Variants in ABCA12 observed in about 807,000 individuals in gnomAD.
ABCA12 encodes the protein glucosylceramide transporter ABCA12.
ABCA12 carries 156 observed loss-of-function variants against 293.5 expected under a neutral mutation model. That is an observed-to-expected ratio of 0.53 (90% CI 0.47 to 0.61). The LOEUF (loss-of-function observed/expected upper bound fraction) is 0.61. Ranked by LOEUF, ABCA12 falls within the 20% of genes least tolerant of loss-of-function variation. The pLI is 0.00. For missense variants in ABCA12, 2,797 were observed against 3,090.2 expected, an observed-to-expected ratio of 0.91 and a Z score of 2.25; for synonymous variants, 1,063 against 1,108.0, an observed-to-expected ratio of 0.96 and a Z score of 0.81.
intron 2 of ABCA12, among the ~76,000 whole-genome samples, chr2:215,075,133 G>C (rs1376000800): frequency 6.6e-6 from 1 of 151,924 alleles, no homozygotes; most frequent in Non-Finnish European, 1.5e-5. Context: ...TTATTCCAGT[G>C]GCTAATCCTT....
rs759590811 is a variant in ABCA12, at chr2:215,012,035, G to A, written c.2057C>T (p.Pro686Leu). Residue 686 changes from proline (P) to leucine (L), a missense_variant, in exon 16 of 53, where the codon CCG becomes CTG. Coordinates refer to ENST00000272895, the MANE Select transcript of ABCA12 (RefSeq NM_173076.3). ...CAGGGATCTCATTTTGTCTAGCAGCGGATGTGTGCCAGAAGCCATCTGATT... is the reference window on the plus strand; with the variant it reads ...CAGGGATCTCATTTTGTCTAGCAGCAGATGTGTGCCAGAAGCCATCTGATT... ...ILNQMASGTH[P>L]LLDKMRSLKQ... 31 of 1,613,798 alleles carry A rather than the reference G, an allele frequency of 1.9e-5. 1 individual carries two copies. In the Admixed American group the frequency reaches 2.5e-4, roughly 13 times the overall value.
At chr2:215,093,513 T>A in intron 2 of ABCA12, among the ~76,000 whole-genome samples, 1 of 152,188 alleles carries the variant, frequency 6.6e-6, no homozygotes, top group East Asian at 1.9e-4. Context: ...GGCTGTGCGG[T>A]TAGAATTCTT....
chr2:214,967,825 TC>T (rs1220440697), intron 38 of ABCA12, among the ~76,000 whole-genome samples: 1 of 152,020 alleles, frequency 6.6e-6, no homozygotes, highest in East Asian at 1.9e-4. Flanking sequence ...GGACATTAGT[TC>T]CCCCACTTTC....
chr2:214,989,570 A>T lies in ABCA12; in HGVS notation c.3676T>A (p.Tyr1226Asn), dbSNP rs750074530. 1 of 1,614,130 alleles carries T rather than the reference A, an allele frequency of 6.2e-7. No individual in the cohort carries two copies. The highest frequency in any genetic ancestry group is 1.1e-5 in the South Asian group (1 of 91,070). The change falls in exon 25 of 53, where the codon TAC (tyrosine) becomes AAC (asparagine). Residue 1226 changes from tyrosine to asparagine, a missense_variant. Transcript: ENST00000272895. The stretch of plus-strand genomic sequence containing the variant: ...GACCTACCAATGCCCTGTTCTTCGT[A>T]TCGTGCAATGTATTGGCTTGCATAG... ...FSYASQYIAR[Y>N]EEQGIGLQWE...
chr2:214,958,161 T>C (rs958582983), intron 41 of ABCA12, 116 bp downstream of exon 41: 2 of 1,384,872 alleles, frequency 1.4e-6, no homozygotes, highest in African/African-American at 2.9e-5. Context: ...CTTTATTTCC[T>C]GTCTTTGTGA....
chr2:215,064,092 T>C lies in ABCA12; in HGVS notation c.291A>G (p.Gly97=), dbSNP rs1701589870. 2 of 1,612,844 alleles carry C rather than the reference T, an allele frequency of 1.2e-6. No homozygotes were observed. Among genetic ancestry groups the C allele is most frequent in the South Asian group, 1.1e-5 (1 of 91,082 alleles). The change falls in exon 3 of 53, where the codon GGA becomes GGG. Residue 97 remains glycine (G), a synonymous_variant. Transcript: ENST00000272895. The part of the protein sequence containing the change: ...YGPQDLLRRK[G]IDDALFKDSE... ...TGTCTTTAAATAGTGCATCATCAAT[T>C]CCTTTCCTACGAAGCAGATCTTGTG...
chr2:215,082,767 T>C (rs1701968260), intron 2 of ABCA12: 1 of 152,208 alleles, frequency 6.6e-6, no homozygotes, highest in African/African-American at 2.4e-5. Context: ...ATATAACCTG[T>C]TATTTATCTT....
At position 214,932,602 on chromosome 2, in the gene ABCA12, G is replaced by T; in HGVS notation, c.*32C>A. 1 of 1,493,754 alleles carries T rather than the reference G, an allele frequency of 6.7e-7. No individual in the cohort carries two copies. Among genetic ancestry groups the T allele is most frequent in the Non-Finnish European group, 9.3e-7 (1 of 1,071,060 alleles). The allele number at this position is 1,493,754 out of a possible 1,614,324, so 92.5% of individuals were successfully genotyped here. A position where few individuals can be genotyped will look rare whatever the true frequency, so the allele number is the denominator to read the frequency against. The stretch of plus-strand genomic sequence containing the variant: ...GCTTTTCTTCAAAATGAAGCCATTG[G>T]TCACACGCTGAGATTGAGTTTGCTG... On this transcript the variant is annotated 3_prime_UTR_variant, in exon 53 of 53. Transcript: ENST00000272895.
At chr2:215,115,025 T>C (rs1443255920) in intron 1 of ABCA12, among the ~76,000 whole-genome samples, 7 of 152,186 alleles carry the variant, frequency 4.6e-5, no homozygotes, top group Non-Finnish European at 1.0e-4. Context: ...TTTGATGATT[T>C]CATGAGGATG....
chr2:215,122,019 T>G (rs1702816972), intron 1 of ABCA12, among the ~76,000 whole-genome samples: 4 of 152,164 alleles, frequency 2.6e-5, no homozygotes, highest in African/African-American at 7.2e-5. Flanking sequence ...TCTAAAGAAA[T>G]GACTCATCTA....
intron 2 of ABCA12, among the ~76,000 whole-genome samples, chr2:215,100,013 TC>T (rs1559194124): frequency 1.2e-3 from 169 of 144,572 alleles, no homozygotes; most frequent in African/African-American, 4.1e-3. Context: ...TCTCTCTCTC[TC>T]TCTTTTTTTT....
Position 215,001,731 on chromosome 2 carries a change from A to G in ABCA12, c.2690T>C (p.Leu897Pro), listed in dbSNP as rs1313091307. Reference protein sequence around the residue: ...LLKQIDELDILRLKLENNIDI... With the variant: ...LLKQIDELDIPRLKLENNIDI... The stretch of plus-strand genomic sequence containing the variant: ...AATGTTGTTCTCTAATTTCAGTCTT[A>G]GAATATCTAAAGAGGCAAAGCAAAA... The change falls in exon 21 of 53, where the codon CTA (leucine) becomes CCA (proline). Residue 897 changes from leucine to proline, a missense_variant. Transcript: ENST00000272895. The G allele has an allele frequency of 2.0e-5, 32 of 1,612,954 alleles. No individual in the cohort carries two copies. The highest frequency in any genetic ancestry group is 2.7e-5 in the Non-Finnish European group (32 of 1,179,618).
chr2:214,982,402 A>T lies in ABCA12; in HGVS notation c.4383-19T>A, dbSNP rs769634684. ...TAAAGTCCTTCAAAAATAATGTATGATGGTTATTTTTTTACAGATATACTA... is the reference window on the plus strand; with the variant it reads ...TAAAGTCCTTCAAAAATAATGTATGTTGGTTATTTTTTTACAGATATACTA... On this transcript the variant is annotated intron_variant, in intron 29 of 52. Coordinates refer to ENST00000272895, the MANE Select transcript of ABCA12 (RefSeq NM_173076.3). 1 of 1,598,406 alleles carries T rather than the reference A, an allele frequency of 6.3e-7. No homozygotes were observed. The highest frequency in any genetic ancestry group is 1.7e-5 in the Admixed American group (1 of 59,986).
chr2:214,971,097 T>C (rs983930774), intron 36 of ABCA12, among the ~76,000 whole-genome samples: 22 of 152,152 alleles, frequency 1.4e-4, no homozygotes, highest in African/African-American at 5.1e-4. Context: ...CCTGTAACTT[T>C]CTTTGCTTCC....
chr2:214,999,554 C>A (rs1227493490), intron 22 of ABCA12, among the ~76,000 whole-genome samples: 2 of 152,050 alleles, frequency 1.3e-5, no homozygotes, highest in Non-Finnish European at 2.9e-5. Context: ...GAACATATTC[C>A]CATAAAGAAT....
rs547421864 is a variant in ABCA12, at chr2:215,061,451, T to C, written c.317+2615A>G. ...AAGGTGGCATTTTTCCCCTCACTTA[T>C]AGAACAGAAAAGGAAGACTGTTTTG... On this transcript the variant is annotated intron_variant, in intron 3 of 52. Coordinates refer to ENST00000272895, the MANE Select transcript of ABCA12 (RefSeq NM_173076.3). 1.8e-4 allele frequency among the ~76,000 whole-genome samples: 27 copies of C among 152,132 alleles called. No homozygotes were observed. The South Asian group carries it at 5.6e-3, about 31-fold the overall frequency.
Position 214,953,903 on chromosome 2 carries a change from A to G in ABCA12, c.6598T>C (p.Phe2200Leu). 2 of 1,614,048 alleles carry G rather than the reference A, an allele frequency of 1.2e-6. No individual in the cohort carries two copies. The highest frequency in any genetic ancestry group is 1.7e-6 in the Non-Finnish European group (2 of 1,179,968). ...FVALVSQGTM[F>L]FSLRLLINES... ...TTGATTAAGAGTCGCAAGGAAAAAA[A>G]CATGGTGCCCTGAGAAACCAAAGCC... Residue 2200 changes from phenylalanine (F) to leucine (L), a missense_variant, in exon 44 of 53, where the codon TTT becomes CTT. By Grantham distance (22) the Phe-to-Leu change is conservative. Transcript: ENST00000272895.
chr2:215,043,958 CATA>C (rs981619430), intron 7 of ABCA12, among the ~76,000 whole-genome samples: 1 of 151,984 alleles, frequency 6.6e-6, no homozygotes, highest in African/African-American at 2.4e-5. Context: ...TTTTTGCCAG[CATA>C]ATATTAATGA....
intron 45 of ABCA12, 99 bp from the exon 46 acceptor site, chr2:214,949,248 C>A (rs960900938): frequency 2.3e-6 from 2 of 875,292 alleles, no homozygotes; most frequent in South Asian, 2.7e-5. Flanking sequence ...AATAAATTAC[C>A]GAGAAAAATA....
Sources: allele counts gnomAD v4.1 joint callset (sites outside exome capture counted in the v4.1 genomes callset), GRCh38; gene constraint gnomAD v4.1.1; transcripts MANE v1.5; gene names NCBI Gene and HGNC (gene_info 2026-07-23, HGNC 2026-07-21).